The following NTM variants were observed in gnomAD, a reference collection of about 807,000 sequenced individuals.
The protein encoded by NTM is IgLON family member 2.
NTM carries 13 observed loss-of-function variants against 42.1 expected under a neutral mutation model. The ratio of observed to expected loss-of-function variants is 0.31; its 90% CI spans 0.20 to 0.49. The LOEUF (loss-of-function observed/expected upper bound fraction) is 0.49, where lower values mean the gene tolerates loss of function less well. Ranked by LOEUF, NTM falls within the 20% of genes least tolerant of loss-of-function variation. NTM has a pLI of 0.99. For missense variants in NTM, 373 were observed against 452.8 expected (o/e 0.82, Z 1.60); for synonymous variants, 187 against 179.2 (o/e 1.04, Z -0.35).
intron 1 of NTM, among the ~76,000 whole-genome samples, chr11:131,641,243 C>T (rs1303449589): frequency 6.6e-6 from 1 of 152,156 alleles, no homozygotes; most frequent in Non-Finnish European, 1.5e-5. Flanking sequence ...AATGGGAAGT[C>T]GGAGTTTTAC....
chr11:132,165,783 A>C (rs1400277326), intron 3 of NTM, among the ~76,000 whole-genome samples: 1 of 152,186 alleles, frequency 6.6e-6, no homozygotes, highest in Admixed American at 6.5e-5. Context: ...CCCTCTGCTA[A>C]GTGCTGCTTC....
At chr11:132,128,696 C>T (rs1207230320) in intron 2 of NTM, among the ~76,000 whole-genome samples, 2 of 151,404 alleles carry the variant, frequency 1.3e-5, no homozygotes, top group Admixed American at 6.6e-5. Context: ...AGGTGGATCA[C>T]GAGGTCAGGA....
At chr11:131,412,034 A>G (rs566651981) in intron 1 of NTM, among the ~76,000 whole-genome samples, 6 of 152,306 alleles carry the variant, frequency 3.9e-5, no homozygotes, top group African/African-American at 1.4e-4. Context: ...TTGCAGACTG[A>G]GGCCCGGGTG....
intron 2 of NTM, among the ~76,000 whole-genome samples, chr11:131,963,263 C>G (rs1162830865): frequency 1.3e-5 from 2 of 152,200 alleles, no homozygotes; most frequent in African/African-American, 4.8e-5. Context: ...CAGAGCAGCG[C>G]AAATGGAGGC....
intron 2 of NTM, among the ~76,000 whole-genome samples, chr11:132,072,329 G>A (rs145660115): frequency 9.9e-4 from 151 of 152,272 alleles, no homozygotes; most frequent in Non-Finnish European, 1.7e-3. Flanking sequence ...TCAGACTCCC[G>A]TAGGGAAGTA....
At chr11:131,419,393 G>A (rs529222971) in intron 1 of NTM, among the ~76,000 whole-genome samples, 3 of 152,290 alleles carry the variant, frequency 2.0e-5, no homozygotes, top group African/African-American at 7.2e-5. Flanking sequence ...ATAAGACAGG[G>A]GTAGAGGGAG....
chr11:131,832,143 C>T (rs1394221708), intron 1 of NTM, among the ~76,000 whole-genome samples: 1 of 148,830 alleles, frequency 6.7e-6, no homozygotes, highest in Non-Finnish European at 1.5e-5. Flanking sequence ...CACACACACA[C>T]AAAAGCAAGC....
chr11:131,994,385 G>A (rs1287298138), intron 2 of NTM, among the ~76,000 whole-genome samples: 1 of 152,176 alleles, frequency 6.6e-6, no homozygotes, highest in African/African-American at 2.4e-5. Flanking sequence ...GAGAAAGTGA[G>A]AGTTGCTGAT....
intron 1 of NTM, among the ~76,000 whole-genome samples, chr11:131,444,161 G>A (rs1224896277): frequency 4.0e-5 from 5 of 123,740 alleles, no homozygotes; most frequent in African/African-American, 1.6e-4. Context: ...TAGAGAAAGG[G>A]AAGTCAAACC....
At chr11:131,665,574 A>C (rs191955916) in intron 1 of NTM, among the ~76,000 whole-genome samples, 1 of 152,348 alleles carries the variant, frequency 6.6e-6, no homozygotes. Flanking sequence ...GTGAAGACAC[A>C]GAGACGCCTA....
chr11:131,510,003 C>T (rs1225011877), intron 1 of NTM, among the ~76,000 whole-genome samples: 2 of 151,972 alleles, frequency 1.3e-5, no homozygotes, highest in East Asian at 3.9e-4. Context: ...CGGGGGTGGG[C>T]CAGAGGCCAG....
chr11:131,610,937 G>A (rs1213042485), intron 1 of NTM, among the ~76,000 whole-genome samples: 1 of 152,190 alleles, frequency 6.6e-6, no homozygotes, highest in East Asian at 1.9e-4. Flanking sequence ...AAGAAAAATT[G>A]ATCTGGTGAA....
chr11:132,053,969 A>T (rs2079223546), intron 2 of NTM, among the ~76,000 whole-genome samples: 1 of 152,200 alleles, frequency 6.6e-6, no homozygotes, highest in Non-Finnish European at 1.5e-5. Context: ...TAATCCCGGC[A>T]CTTTGGGAGG....
intron 1 of NTM, among the ~76,000 whole-genome samples, chr11:131,703,369 G>A (rs2076261294): frequency 6.6e-6 from 1 of 152,126 alleles, no homozygotes; most frequent in African/African-American, 2.4e-5. Flanking sequence ...TCAATTAAAT[G>A]TTTTTAAAAA....
At chr11:132,069,998 C>T (rs1293962074) in intron 2 of NTM, among the ~76,000 whole-genome samples, 1 of 136,456 alleles carries the variant, frequency 7.3e-6, no homozygotes, top group Non-Finnish European at 1.5e-5. Context: ...GGTTAGTTAA[C>T]ACGTCACACA....
intron 1 of NTM, among the ~76,000 whole-genome samples, chr11:131,508,293 A>G (rs1292668457): frequency 6.8e-6 from 1 of 146,130 alleles, no homozygotes; most frequent in Non-Finnish European, 1.5e-5. Flanking sequence ...AATGCTCATC[A>G]TCACTGGCCA....
chr11:132,227,708 G>A (rs1457347938), intron 4 of NTM, among the ~76,000 whole-genome samples: 2 of 152,208 alleles, frequency 1.3e-5, no homozygotes, highest in African/African-American at 4.8e-5. Flanking sequence ...TGGCTTTTGG[G>A]TGCTCTGGGA....
chr11:132,278,377 G>C (rs1744488738), intron 4 of NTM, among the ~76,000 whole-genome samples: 1 of 152,206 alleles, frequency 6.6e-6, no homozygotes, highest in South Asian at 2.1e-4. Flanking sequence ...GTTGGCAGCA[G>C]GGGGGCTGGA....
intron 1 of NTM, among the ~76,000 whole-genome samples, chr11:131,399,071 C>T (rs185368121): frequency 6.6e-6 from 1 of 152,306 alleles, no homozygotes; most frequent in East Asian, 1.9e-4. Context: ...GAGAGAAATG[C>T]ATTGAAGCTG....
Sources: allele counts gnomAD v4.1 joint callset (sites outside exome capture counted in the v4.1 genomes callset), GRCh38; gene constraint gnomAD v4.1.1; transcripts MANE v1.5; gene names NCBI Gene and HGNC (gene_info 2026-07-23, HGNC 2026-07-21).